TDRD1: variants seen among roughly 807,000 people sequenced by gnomAD.
TDRD1 encodes tudor domain-containing protein 1.
In TDRD1, 37 loss-of-function variants were observed where a neutral mutation model predicts 140.6. The ratio of observed to expected loss-of-function variants is 0.26; its 90% CI spans 0.20 to 0.35. The LOEUF is 0.35. TDRD1 is among the 10% of genes least tolerant of loss of function. The probability of loss-of-function intolerance (pLI) is 1.00; values close to 1 mark genes in which losing one functional copy is unlikely to be tolerated. For missense variants in TDRD1, 1,243 were observed against 1,393.0 expected, an observed-to-expected ratio of 0.89 and a Z score of 1.71; for synonymous variants, 506 against 475.7, an observed-to-expected ratio of 1.06 and a Z score of -0.83.
chr10:114,200,709 G>A (rs1233458196), intron 4 of TDRD1, among the ~76,000 whole-genome samples: 1 of 151,994 alleles, frequency 6.6e-6, no homozygotes, highest in Admixed American at 6.6e-5. Flanking sequence ...TTTTTGTAGA[G>A]ACGGGGTTTC....
intron 1 of TDRD1, among the ~76,000 whole-genome samples, chr10:114,182,391 A>C (rs964855790): frequency 6.6e-6 from 1 of 152,316 alleles, no homozygotes; most frequent in Admixed American, 6.5e-5. Flanking sequence ...ACATTCTCCA[A>C]ATAGGGTGGA....
intron 14 of TDRD1, among the ~76,000 whole-genome samples, chr10:114,213,021 A>G (rs1392306222): frequency 2.6e-5 from 4 of 152,138 alleles, no homozygotes; most frequent in Admixed American, 2.6e-4. Flanking sequence ...CAATGGAATT[A>G]CGTGGTTTTT....
intron 11 of TDRD1, among the ~76,000 whole-genome samples, chr10:114,209,034 G>A (rs923849019): frequency 1.3e-5 from 2 of 151,824 alleles, no homozygotes; most frequent in Admixed American, 6.6e-5. Flanking sequence ...TGCCCGCCTC[G>A]GCCTCCCAAA....
intron 3 of TDRD1, among the ~76,000 whole-genome samples, chr10:114,196,362 T>G (rs2034348702): frequency 6.6e-6 from 1 of 152,264 alleles, no homozygotes; most frequent in Admixed American, 6.5e-5. Flanking sequence ...TCTCTTCATT[T>G]TCTTTCATCT....
intron 3 of TDRD1, among the ~76,000 whole-genome samples, chr10:114,196,230 A>G (rs1299434636): frequency 6.6e-6 from 1 of 152,184 alleles, no homozygotes; most frequent in Non-Finnish European, 1.5e-5. Flanking sequence ...AAAGTGAGCC[A>G]CTGAGCCCGG....
chr10:114,231,373 G>A lies in TDRD1; in HGVS notation c.3539-113G>A, dbSNP rs191472109. 2.2e-5 allele frequency: 19 copies of A among 872,048 alleles called. No individual in the cohort carries two copies. The Admixed American group carries it at 4.4e-4, about 20-fold the overall frequency. 54.0% of individuals were successfully genotyped at this position (872,048 alleles called of 1,614,324 possible). A position where few individuals can be genotyped will look rare whatever the true frequency, so the allele number is the denominator to read the frequency against. On this transcript the variant is annotated intron_variant, in intron 25 of 25. Transcript: ENST00000251864. ...CTTAACTGACAGGTCTGGCTTAAAT[G>A]CGTAATTTCAGTTAAAAGTGAATAT...
intron 1 of TDRD1, among the ~76,000 whole-genome samples, chr10:114,187,412 G>A (rs974369330): frequency 1.3e-5 from 2 of 152,150 alleles, no homozygotes; most frequent in African/African-American, 4.8e-5. Context: ...AGAGGGTAGA[G>A]GGATTGTGAG....
chr10:114,197,053 G>A lies in TDRD1; in HGVS notation c.385-2120G>A, dbSNP rs532318519. 2.6e-5 allele frequency among the ~76,000 whole-genome samples: 4 copies of A among 151,868 alleles called. No homozygotes were observed. The East Asian group carries it at 7.8e-4, about 29-fold the overall frequency. ...GTAGAGATGGGGTTTCGCCATGTTG[G>A]CCAGGCTGGTCTTGAACTCCTGACC... is the stretch of plus-strand genomic sequence containing the variant. On this transcript the variant is annotated intron_variant, in intron 3 of 25. Coordinates refer to ENST00000251864, the Ensembl canonical transcript of TDRD1.
chr10:114,227,186 C>A, exon 23 of TDRD1: 2 of 1,612,966 alleles, frequency 1.2e-6, no homozygotes, highest in Non-Finnish European at 8.5e-7. Context: ...AATGTCCATA[C>A]AGTGTCAGTT....
At chr10:114,194,638 T>C (rs1050767574) in intron 3 of TDRD1, among the ~76,000 whole-genome samples, 2 of 152,042 alleles carry the variant, frequency 1.3e-5, no homozygotes, top group Non-Finnish European at 2.9e-5. Context: ...TTTTTTTTCC[T>C]GTTTTTTAAA....
chr10:114,197,843 G>C (rs957295810), intron 3 of TDRD1, among the ~76,000 whole-genome samples: 1 of 151,984 alleles, frequency 6.6e-6, no homozygotes, highest in East Asian at 1.9e-4. Context: ...TTTTCGTAGA[G>C]ATGGGGTTCG....
intron 18 of TDRD1, 100 bp from the exon 19 acceptor site, chr10:114,220,468 A>T (rs2036072226): frequency 1.3e-6 from 1 of 753,678 alleles, no homozygotes. Context: ...AGAATTGCTG[A>T]CCTGAAAGTA....
intron 25 of TDRD1, chr10:114,228,783 A>G: frequency 1.0e-6 from 1 of 985,392 alleles, no homozygotes; most frequent in Non-Finnish European, 1.2e-6. Context: ...ATTAAGAGCC[A>G]ATTAGAACTT....
At chr10:114,192,292 C>CT (rs938140798) in intron 3 of TDRD1, among the ~76,000 whole-genome samples, 2,465 of 75,084 alleles carry the variant, frequency 0.033, 542 homozygotes, top group African/African-American at 0.051. Flanking sequence ...GATAGTTTTC[C>CT]TTTTTTTTTT....
At chr10:114,190,067 T>C (rs1268256195) in intron 2 of TDRD1, among the ~76,000 whole-genome samples, 3 of 152,156 alleles carry the variant, frequency 2.0e-5, no homozygotes, top group African/African-American at 7.2e-5. Flanking sequence ...TCGTTGCAAA[T>C]ACCTGTCTCC....
intron 9 of TDRD1, among the ~76,000 whole-genome samples, 160 bp from the exon 10 acceptor site, chr10:114,204,558 TAACA>T (rs1379638876): frequency 6.6e-6 from 1 of 152,212 alleles, no homozygotes; most frequent in African/African-American, 2.4e-5. Flanking sequence ...AATACAGTAC[TAACA>T]GAGGCTAATA....
At chr10:114,213,663 TATAAAA>T (rs1207561877) in intron 15 of TDRD1, 75 bp downstream of exon 15, 1 of 1,322,376 alleles carries the variant, frequency 7.6e-7, no homozygotes, top group South Asian at 1.4e-5. Flanking sequence ...TTCTTGTACT[TATAAAA>T]AGAATTTATG....
chr10:114,199,191 C>T lies in TDRD1; in HGVS notation c.403C>T (p.Arg135Cys), dbSNP rs1215764542. The change falls in exon 4 of 26, where the codon CGT (arginine) becomes TGT (cysteine). Residue 135 changes from arginine to cysteine, a missense_variant. By Grantham distance (180) the Arg-to-Cys change is radical (BLOSUM62 -3). Around this residue, in one of 5 missense-constraint regions of TDRD1, gnomAD observed 237 missense variants for 215.5 expected, o/e 1.10. Coordinates refer to ENST00000251864, the Ensembl canonical transcript of TDRD1. ...TTAATAGAAGCCTGGAAATAATGTA[C>T]GTCCTGCAAAATCAAAAAAACTAAA... is the stretch of plus-strand genomic sequence containing the variant. 24 of 1,612,578 alleles carry T rather than the reference C, an allele frequency of 1.5e-5. No individual in the cohort carries two copies. Among genetic ancestry groups the T allele is most frequent in the Non-Finnish European group, 1.7e-5 (20 of 1,179,598 alleles).
chr10:114,188,876 G>GAAAAAAAAAAAAAAAAAAAAAAAAA (rs34349007), intron 2 of TDRD1, among the ~76,000 whole-genome samples: 1 of 107,154 alleles, frequency 9.3e-6, no homozygotes, highest in Non-Finnish European at 2.0e-5. Context: ...AAAACAAAAT[G>GAAAAAAAAAAAAAAAAAAAAAAAAA]AAAAAAAAAA....
Sources: gnomAD v4.1 joint callset for allele counts (sites outside exome capture counted in the v4.1 genomes callset) on GRCh38, gnomAD v4.1.1 for gene constraint, gnomAD v4.1.1 regional missense constraint, MANE v1.5 for transcripts, NCBI Gene and HGNC (gene_info 2026-07-23, HGNC 2026-07-21) for gene names.